FRMPD3: variants seen among roughly 807,000 people sequenced by gnomAD.
FRMPD3 encodes the protein FERM and PDZ domain containing 3, also known as FERM and PDZ domain-containing protein 3.
Under a neutral mutation model 97.9 loss-of-function variants are expected in FRMPD3, and 42 were observed. The ratio of observed to expected loss-of-function variants is 0.43; its 90% CI spans 0.34 to 0.55. The LOEUF (loss-of-function observed/expected upper bound fraction) is 0.55. Ranked by LOEUF, FRMPD3 falls within the 20% of genes least tolerant of loss-of-function variation. FRMPD3 has a pLI of 0.03. For missense variants in FRMPD3, 1,303 were observed against 1,457.7 expected, an observed-to-expected ratio of 0.89 and a Z score of 1.73; for synonymous variants, 577 against 581.1, an observed-to-expected ratio of 0.99 and a Z score of 0.10.
intron 12 of FRMPD3, among the ~76,000 whole-genome samples, chrX:107,569,236 A>G (rs940339966): frequency 2.1e-5 from 2 of 96,927 alleles, no homozygotes; most frequent in African/African-American, 3.8e-5. Context: ...TGGAAGTTGG[A>G]GTGAGCCCAG....
intron 1 of FRMPD3, among the ~76,000 whole-genome samples, chrX:107,501,353 A>ATTT (rs1180253334): frequency 4.5e-5 from 2 of 44,736 alleles, no homozygotes; most frequent in Non-Finnish European, 8.0e-5. Flanking sequence ...CTTGTCTCCT[A>ATTT]TTTTTTTTTT....
chrX:107,480,895 G>GGAAGGAAGGAAGGAAA (rs1461084039), intron 1 of FRMPD3, among the ~76,000 whole-genome samples: 3 of 60,583 alleles, frequency 5.0e-5, no homozygotes, highest in African/African-American at 1.7e-4. Flanking sequence ...AAGGAAGGAA[G>GGAAGGAAGGAAGGAAA]GAAAGAAAGA....
chrX:107,517,806 A>G (rs1467929177), intron 1 of FRMPD3, among the ~76,000 whole-genome samples: 3 of 89,915 alleles, frequency 3.3e-5, no homozygotes, highest in East Asian at 4.2e-4. Flanking sequence ...GAAGGAAAGG[A>G]AGGAAAGAAA....
At chrX:107,530,639 G>T in intron 3 of FRMPD3, 128 bp downstream of exon 3, 1 of 484,534 alleles carries the variant, frequency 2.1e-6, no homozygotes, top group East Asian at 3.7e-5. Context: ...CCCTATAGAG[G>T]GCTCCTGGCT....
At chrX:107,591,647 C>T (rs1400690957) in intron 13 of FRMPD3, among the ~76,000 whole-genome samples, 3 of 112,276 alleles carry the variant, frequency 2.7e-5, no homozygotes, top group Admixed American at 9.5e-5. Context: ...CTGTTCAAAA[C>T]ACCAACTTTT....
intron 1 of FRMPD3, among the ~76,000 whole-genome samples, chrX:107,482,024 A>G (rs943579478): frequency 2.7e-4 from 30 of 111,973 alleles, no homozygotes; most frequent in African/African-American, 9.4e-4. Context: ...CCCAAGTCCC[A>G]GTCCAGTCCT....
intron 14 of FRMPD3, 119 bp downstream of exon 14, chrX:107,598,261 G>A: frequency 6.6e-6 from 4 of 609,771 alleles, no homozygotes; most frequent in Non-Finnish European, 1.0e-5. Context: ...CAGGGCAGTG[G>A]ATGTACCAAA....
chrX:107,580,970 G>A (rs1255875231), intron 13 of FRMPD3, among the ~76,000 whole-genome samples: 1 of 111,665 alleles, frequency 9.0e-6, no homozygotes, highest in East Asian at 2.8e-4. Context: ...ATAACTAAAT[G>A]CCAGAAACTT....
In FRMPD3 at chrX:107,604,968, T is replaced by C. The variant is rs1924764696; in HGVS notation, c.*1595T>C. ...TTCTCCTCCCCCAGGACCAAGTTGT[T>C]GAATGGGCCAGAGATGCAGCCAGTG... On this transcript the variant is annotated 3_prime_UTR_variant, in exon 15 of 15. Transcript: ENST00000683843. The C allele has an allele frequency of 9.1e-6, 1 of 109,639 alleles. No individual in the cohort carries two copies. Among genetic ancestry groups the C allele is most frequent in the African/African-American group, 3.3e-5 (1 of 30,032 alleles). 9.0% of individuals were successfully genotyped at this position (109,639 alleles called of 1,213,427 possible). A position where few individuals can be genotyped will look rare whatever the true frequency, so the allele number is the denominator to read the frequency against.
In FRMPD3 at chrX:107,449,852, C is replaced by T. The variant is rs1333972407; in HGVS notation, c.-161C>T. Among the ~76,000 whole-genome samples, 19 of 108,611 alleles carry T rather than the reference C, an allele frequency of 1.7e-4. 1 individual carries two copies. The highest frequency in any genetic ancestry group is 3.7e-4 in the Non-Finnish European group (19 of 51,757). 94.3% of individuals were successfully genotyped at this position (108,611 alleles called of 115,157 possible). On this transcript the variant is annotated 5_prime_UTR_variant, in exon 1 of 15. Coordinates refer to ENST00000683843, the MANE Select transcript of FRMPD3 (RefSeq NM_001388459.1). The stretch of plus-strand genomic sequence containing the variant: ...CGCCCCGCCGCCCGGCGCCACTGAG[C>T]CCCAAGCCCATGCCGGGCTCGGGGG...
chrX:107,489,467 T>A (rs1380699150), intron 1 of FRMPD3, among the ~76,000 whole-genome samples: 2 of 111,608 alleles, frequency 1.8e-5, no homozygotes, highest in East Asian at 5.6e-4. Context: ...GTAAAAGTGT[T>A]CCTATTTCTC....
intron 13 of FRMPD3, among the ~76,000 whole-genome samples, chrX:107,584,286 T>C (rs1270182822): frequency 3.6e-5 from 4 of 111,679 alleles, no homozygotes; most frequent in Non-Finnish European, 7.5e-5. Context: ...TTTTATGGGA[T>C]TGTTTGTTTT....
chrX:107,588,374 C>T (rs1433509209), intron 13 of FRMPD3, among the ~76,000 whole-genome samples: 1 of 110,817 alleles, frequency 9.0e-6, no homozygotes, highest in African/African-American at 3.3e-5. Flanking sequence ...CCTGCCTCAG[C>T]CTCCCGAGTA....
chrX:107,450,413 G>A (rs750493908), intron 1 of FRMPD3, among the ~76,000 whole-genome samples: 22 of 111,317 alleles, frequency 2.0e-4, no homozygotes, highest in African/African-American at 6.2e-4. Flanking sequence ...GGCGAAGCCC[G>A]AGCCCAGGGG....
chrX:107,534,251 T>G (rs1030298251), intron 4 of FRMPD3, among the ~76,000 whole-genome samples: 5 of 112,045 alleles, frequency 4.5e-5, no homozygotes, highest in African/African-American at 1.3e-4. Flanking sequence ...TGTACCCTTA[T>G]AGCAATCTTA....
intron 1 of FRMPD3, among the ~76,000 whole-genome samples, chrX:107,507,387 A>G (rs1922060649): frequency 9.2e-6 from 1 of 108,670 alleles, no homozygotes; most frequent in Admixed American, 9.7e-5. Flanking sequence ...GGGATCGGGG[A>G]GATAAGGGGC....
At chrX:107,539,187 T>A (rs370171635) in intron 4 of FRMPD3, among the ~76,000 whole-genome samples, 9 of 111,931 alleles carry the variant, frequency 8.0e-5, no homozygotes, top group East Asian at 5.6e-4. Context: ...TGATATGGAG[T>A]CTCTCTCAGA....
chrX:107,471,307 T>TCCCTCCCC, intron 1 of FRMPD3, among the ~76,000 whole-genome samples: 1 of 81,652 alleles, frequency 1.2e-5, no homozygotes, highest in African/African-American at 5.3e-5. Context: ...CTTCTTTCCT[T>TCCCTCCCC]CCCTCCCTCC....
intron 1 of FRMPD3, among the ~76,000 whole-genome samples, chrX:107,501,725 T>C (rs1481040852): frequency 9.5e-6 from 1 of 105,370 alleles, no homozygotes; most frequent in Non-Finnish European, 1.9e-5. Flanking sequence ...GGGGACTCAG[T>C]TGGGGCCTCA....
Sources: allele counts gnomAD v4.1 joint callset (sites outside exome capture counted in the v4.1 genomes callset), GRCh38; gene constraint gnomAD v4.1.1; transcripts MANE v1.5; gene names NCBI Gene and HGNC (gene_info 2026-07-23, HGNC 2026-07-21).